Variants in SULT4A1 observed in about 807,000 individuals in gnomAD.
SULT4A1 encodes sulfotransferase family 4A member 1.
Under a neutral mutation model 35.2 loss-of-function variants are expected in SULT4A1, and 11 were observed. The ratio of observed to expected loss-of-function variants is 0.31; its 90% CI spans 0.20 to 0.52. SULT4A1 has a LOEUF of 0.52. SULT4A1 is among the 20% of genes least tolerant of loss of function. The pLI is 0.97. For synonymous variants in SULT4A1, 152 were observed against 151.8 expected (o/e 1.00, Z -0.01); for missense variants, 271 against 383.7 (o/e 0.71, Z 2.45).
intron 1 of SULT4A1, among the ~76,000 whole-genome samples, chr22:43,844,896 C>T (rs1478646687): frequency 6.6e-6 from 1 of 152,212 alleles, no homozygotes; most frequent in African/African-American, 2.4e-5. Flanking sequence ...AGCGGGGCCC[C>T]GCCTGGACCA....
chr22:43,829,291 T>C, intron 5 of SULT4A1, 93 bp from the exon 6 acceptor site: 1 of 1,345,294 alleles, frequency 7.4e-7, no homozygotes. Context: ...GAGGACTTTT[T>C]ACACACGGCC....
intron 1 of SULT4A1, among the ~76,000 whole-genome samples, chr22:43,849,863 C>T (rs1004284468): frequency 2.6e-5 from 4 of 152,174 alleles, no homozygotes; most frequent in African/African-American, 9.7e-5. Flanking sequence ...ACTTAAGCCC[C>T]GACAGCTGGG....
At chr22:43,857,542 A>G (rs1413953813) in intron 1 of SULT4A1, among the ~76,000 whole-genome samples, 2 of 152,184 alleles carry the variant, frequency 1.3e-5, no homozygotes, top group African/African-American at 4.8e-5. Flanking sequence ...ATGGCTGAGA[A>G]TTTTTCCAAA....
At chr22:43,828,410 A>T (rs2063303251) in intron 6 of SULT4A1, among the ~76,000 whole-genome samples, 2 of 152,220 alleles carry the variant, frequency 1.3e-5, no homozygotes, top group African/African-American at 4.8e-5. Flanking sequence ...TGTCAGGAAC[A>T]CTGTCCCCAT....
In SULT4A1 at chr22:43,840,025, C is replaced by T; in HGVS notation, c.301G>A (p.Glu101Lys). The T allele has an allele frequency of 1.9e-6, 3 of 1,599,394 alleles. No individual in the cohort carries two copies. Among genetic ancestry groups the T allele is most frequent in the Non-Finnish European group, 2.6e-6 (3 of 1,173,510 alleles). The change falls in exon 3 of 7, where the codon GAA becomes AAA. Residue 101 changes from glutamate to lysine, a missense_variant and splice_region_variant. Physicochemically the swap from Glu to Lys is moderately conservative, Grantham distance 56. Transcript: ENST00000330884. ...TTGATGAGGCGGGGAGAGGTCAGTT[C>T]CTGCGTGGAGTCAGAGGGAGAGGCA... ...YPQPGLDIIK[E>K]LTSPRLIKSH...
intron 1 of SULT4A1, among the ~76,000 whole-genome samples, chr22:43,852,964 C>T (rs1268292474): frequency 6.6e-6 from 1 of 152,022 alleles, no homozygotes; most frequent in Admixed American, 6.6e-5. Flanking sequence ...GGCCAGTGGG[C>T]AGTGAACCCA....
chr22:43,830,610 G>A (rs1046132180), intron 5 of SULT4A1, among the ~76,000 whole-genome samples: 3 of 152,244 alleles, frequency 2.0e-5, no homozygotes, highest in Non-Finnish European at 2.9e-5. Flanking sequence ...TGTTGGGGTC[G>A]TGCCTCCACA....
intron 4 of SULT4A1, among the ~76,000 whole-genome samples, chr22:43,837,414 A>G (rs566954296): frequency 6.6e-6 from 1 of 152,286 alleles, no homozygotes; most frequent in East Asian, 1.9e-4. Flanking sequence ...CTCTGCAGAG[A>G]GCAGAGTCCA....
intron 3 of SULT4A1, among the ~76,000 whole-genome samples, chr22:43,839,734 G>A (rs2063409167): frequency 6.6e-6 from 1 of 152,208 alleles, no homozygotes; most frequent in Non-Finnish European, 1.5e-5. Flanking sequence ...TGACTGTGAG[G>A]TAAAAACCAA....
chr22:43,840,051 G>C (rs1179028786), intron 2 of SULT4A1, 26 bp from the exon 3 acceptor site: 3 of 1,584,040 alleles, frequency 1.9e-6, no homozygotes, highest in African/African-American at 2.7e-5. Context: ...GGGAGAGGCA[G>C]GTCAGAGGAA....
chr22:43,838,845 G>A (rs2063399157), intron 4 of SULT4A1, 22 bp downstream of exon 4: 3 of 1,613,294 alleles, frequency 1.9e-6, no homozygotes, highest in South Asian at 1.1e-5. Flanking sequence ...GTTCTAACAT[G>A]CCGCCAGGCT....
chr22:43,832,616 C>A (rs377162873), intron 5 of SULT4A1, among the ~76,000 whole-genome samples: 21 of 152,106 alleles, frequency 1.4e-4, no homozygotes, highest in South Asian at 2.1e-4. Context: ...ACGCACACAC[C>A]CCCACCCCAG....
intron 1 of SULT4A1, among the ~76,000 whole-genome samples, chr22:43,856,706 C>T (rs532622949): frequency 5.8e-4 from 89 of 152,334 alleles, no homozygotes; most frequent in Non-Finnish European, 1.1e-3. Flanking sequence ...AGCCCCTCCA[C>T]TGAACGCAAG....
intron 4 of SULT4A1, among the ~76,000 whole-genome samples, chr22:43,835,466 C>A (rs1251884469): frequency 6.6e-6 from 1 of 152,202 alleles, no homozygotes; most frequent in Non-Finnish European, 1.5e-5. Flanking sequence ...CTGGGCCCTG[C>A]CACCCGGCAG....
chr22:43,841,970 A>G (rs761866027), intron 1 of SULT4A1, 38 bp from the exon 2 acceptor site: 4 of 1,595,662 alleles, frequency 2.5e-6, no homozygotes, highest in Admixed American at 3.4e-5. Flanking sequence ...TGCTCAGAGG[A>G]GGCCCACGCG....
At chr22:43,860,961 T>C (rs1198118239) in intron 1 of SULT4A1, among the ~76,000 whole-genome samples, 1 of 152,038 alleles carries the variant, frequency 6.6e-6, no homozygotes, top group Non-Finnish European at 1.5e-5. Context: ...TCTGAGCCTC[T>C]GAAAAAAAGG....
At chr22:43,832,113 G>A (rs2063329722) in intron 5 of SULT4A1, among the ~76,000 whole-genome samples, 1 of 152,126 alleles carries the variant, frequency 6.6e-6, no homozygotes, top group African/African-American at 2.4e-5. Flanking sequence ...CACGGCCGAC[G>A]GCTTCACAGA....
intron 2 of SULT4A1, 145 bp downstream of exon 2, chr22:43,841,657 G>A: frequency 7.7e-7 from 1 of 1,306,700 alleles, no homozygotes; most frequent in Non-Finnish European, 1.0e-6. Flanking sequence ...GCCAGCTCAG[G>A]CCTGCCAGCT....
Position 43,829,200 on chromosome 22 carries a change from T to C in SULT4A1, c.604-2A>G. The C allele has an allele frequency of 6.4e-7, 1 of 1,558,104 alleles. No individual in the cohort carries two copies. The highest frequency in any genetic ancestry group is 8.7e-7 in the Non-Finnish European group (1 of 1,151,128). ...CTGCTCCACCATCGTCACCAGGTCCTGGAAGACAAGTGCAGAGAGCAGAGC... is the reference window on the plus strand; with the variant it reads ...CTGCTCCACCATCGTCACCAGGTCCCGGAAGACAAGTGCAGAGAGCAGAGC... On this transcript the variant is annotated splice_acceptor_variant, in intron 5 of 6. Transcript: ENST00000330884. LOFTEE classifies it high-confidence loss of function.
Sources: gnomAD v4.1 joint callset for allele counts (sites outside exome capture counted in the v4.1 genomes callset) on GRCh38, gnomAD v4.1.1 for gene constraint, MANE v1.5 for transcripts, NCBI Gene and HGNC (gene_info 2026-07-23, HGNC 2026-07-21) for gene names.